The following MORC2 variants were observed in gnomAD, a reference collection of about 807,000 sequenced individuals.
The protein encoded by MORC2 is MORC family CW-type zinc finger 2, also known as ATPase MORC2.
In MORC2, 30 loss-of-function variants were observed where a neutral mutation model predicts 136.0. The observed-to-expected ratio is 0.22, with a 90% CI of 0.17 to 0.30. The LOEUF is 0.30. Ranked by LOEUF, MORC2 falls within the 10% of genes least tolerant of loss-of-function variation. The probability of loss-of-function intolerance (pLI) is 1.00; values close to 1 mark genes in which losing one functional copy is unlikely to be tolerated. For synonymous variants in MORC2, 439 were observed against 487.0 expected, an observed-to-expected ratio of 0.90 and a Z score of 1.30; for missense variants, 922 against 1,333.1, an observed-to-expected ratio of 0.69 and a Z score of 4.80.
chr22:30,932,404 C>G lies in MORC2; in HGVS notation c.2796G>C (p.Lys932Asn). The change falls in exon 24 of 26, where the codon AAG becomes AAC. Residue 932 changes from lysine to asparagine, a missense_variant. Lys to Asn is a moderately conservative substitution (Grantham distance 94). This residue lies in a region of MORC2 where 263 missense variants were observed against 388.3 expected (regional missense o/e 0.68). Transcript: ENST00000397641. This position sits in a 1 kb window ranked among gnomAD's most constrained non-coding sequence, Gnocchi z 4.4. ...CATCTGAATTCATAGCACTCAGCTGCTTCTTGGAGATGGGGAAACTTGGAG... is the reference window on the plus strand; with the variant it reads ...CATCTGAATTCATAGCACTCAGCTGGTTCTTGGAGATGGGGAAACTTGGAG... ...FLPPSFPISK[K>N]QLSAMNSDEL... 6.2e-7 allele frequency: 1 copy of G among 1,614,156 alleles called. No individual in the cohort carries two copies. The highest frequency in any genetic ancestry group is 8.5e-7 in the Non-Finnish European group (1 of 1,180,000).
At chr22:30,961,160 A>G (rs995217296) in intron 1 of MORC2, among the ~76,000 whole-genome samples, 7 of 152,208 alleles carry the variant, frequency 4.6e-5, no homozygotes, top group African/African-American at 1.7e-4. Context: ...GTGAGCCACC[A>G]TGCCCGGCCC....
chr22:30,937,634 G>A lies in MORC2; in HGVS notation c.1447C>T (p.Leu483=). The A allele has an allele frequency of 6.2e-7, 1 of 1,613,866 alleles. No homozygotes were observed. Among genetic ancestry groups the A allele is most frequent in the Non-Finnish European group, 8.5e-7 (1 of 1,180,020 alleles). Residue 483 remains leucine (L), a synonymous_variant, in exon 15 of 26, where the codon CTG becomes TTG. Transcript: ENST00000397641. The surrounding 1 kb of genome is among the most constrained non-coding windows in gnomAD (Gnocchi z 4.7). ...ATAGCTCTCCGGCGTTTGTAACGCA[G>A]CTCACTGGATGGGGGCTGGTTCCAG... ...ANWNQPPSSE[L]RYKRRRAMEI... is the part of the protein sequence containing the mutation.
intron 24 of MORC2, among the ~76,000 whole-genome samples, chr22:30,928,664 A>C (rs1411869003): frequency 1.3e-5 from 2 of 152,128 alleles, no homozygotes; most frequent in Non-Finnish European, 2.9e-5. Context: ...ATATCTCCAG[A>C]TCTGTGGAGT....
At chr22:30,928,301 C>A in intron 24 of MORC2, 94 bp from the exon 25 acceptor site, 1 of 1,227,008 alleles carries the variant, frequency 8.1e-7, no homozygotes, top group Non-Finnish European at 1.2e-6. Flanking sequence ...CCCGCTTTAC[C>A]CAAGGATGCC....
intron 3 of MORC2, among the ~76,000 whole-genome samples, chr22:30,951,904 C>G (rs2040893358): frequency 6.6e-6 from 1 of 151,754 alleles, no homozygotes; most frequent in Admixed American, 6.6e-5. Context: ...CTCCCAGGTT[C>G]AAGCGATTCT....
intron 1 of MORC2, chr22:30,958,975 A>T: frequency 3.5e-6 from 1 of 286,724 alleles, no homozygotes; most frequent in Non-Finnish European, 6.6e-6. Context: ...GTAACTGCTA[A>T]AAGTGTTTTT....
At chr22:30,950,353 C>CCCAAAAAAAAAA in intron 4 of MORC2, 24 bp downstream of exon 4, 11 of 1,481,924 alleles carry the variant, frequency 7.4e-6, no homozygotes, top group Non-Finnish European at 9.4e-6. Context: ...CCCCACCCCC[C>CCCAAAAAAAAAA]AAAACAATAA....
In MORC2 at chr22:30,941,519, C is replaced by T; in HGVS notation, c.738G>A (p.Val246=). The change falls in exon 9 of 26, where the codon GTG becomes GTA. Residue 246 remains valine (V), a synonymous_variant. Transcript: ENST00000397641. This position sits in a 1 kb window ranked among gnomAD's most constrained non-coding sequence, Gnocchi z 4.6. ...TCCTCATCCGGGGATCAATATAGAG[C>T]ACAGCGGCATAGGCACGGAACGAGC... ...ERRSFRAYAA[V]LYIDPRMRIF... 1 of 1,614,060 alleles carries T rather than the reference C, an allele frequency of 6.2e-7. No homozygotes were observed. Among genetic ancestry groups the T allele is most frequent in the Non-Finnish European group, 8.5e-7 (1 of 1,179,982 alleles).
chr22:30,936,490 C>A, intron 17 of MORC2, 21 bp downstream of exon 17: 1 of 1,613,388 alleles, frequency 6.2e-7, no homozygotes, highest in Non-Finnish European at 8.5e-7. Context: ...TGGCTTTGCC[C>A]ACTGACCATG....
chr22:30,937,082 C>G lies in MORC2; in HGVS notation c.1499-45G>C. 1 of 1,412,078 alleles carries G rather than the reference C, an allele frequency of 7.1e-7. No individual in the cohort carries two copies. Among genetic ancestry groups the G allele is most frequent in the Non-Finnish European group, 1.0e-6 (1 of 999,426 alleles). The allele number at this position is 1,412,078 out of a possible 1,614,324, so 87.5% of individuals were successfully genotyped here. On this transcript the variant is annotated intron_variant, in intron 15 of 25. Transcript: ENST00000397641. The surrounding 1 kb of genome is among the most constrained non-coding windows in gnomAD (Gnocchi z 4.7). ...CCCACATATCAGCCACGCCCACCAACTCTATCTGTAATCCGGGTTCCTCAC... is the reference window on the plus strand; with the variant it reads ...CCCACATATCAGCCACGCCCACCAAGTCTATCTGTAATCCGGGTTCCTCAC...
intron 17 of MORC2, 136 bp downstream of exon 17, chr22:30,936,375 G>T (rs2040652564): frequency 1.7e-6 from 2 of 1,200,612 alleles, no homozygotes; most frequent in Non-Finnish European, 2.3e-6. Context: ...GGTTGGGGTT[G>T]GAAAGCTTTG....
At position 30,932,129 on chromosome 22, in the gene MORC2, A is replaced by C. The variant is rs2040583983; in HGVS notation, c.2841+230T>G. 6.4e-6 allele frequency: 3 copies of C among 471,130 alleles called. No homozygotes were observed. Among genetic ancestry groups the C allele is most frequent in the Non-Finnish European group, 1.1e-5 (3 of 261,922 alleles). 29.2% of individuals were successfully genotyped at this position (471,130 alleles called of 1,614,324 possible). A position where few individuals can be genotyped will look rare whatever the true frequency, so the allele number is the denominator to read the frequency against. ...TCAACTCCTAGCACCTGTGGTGGGA[A>C]GGGGTTGGCTTTCTGCACACCAGAG... On this transcript the variant is annotated intron_variant, in intron 24 of 25. Coordinates refer to ENST00000397641, the MANE Select transcript of MORC2 (RefSeq NM_001303256.3). This position sits in a 1 kb window ranked among gnomAD's most constrained non-coding sequence, Gnocchi z 4.4.
intron 12 of MORC2, among the ~76,000 whole-genome samples, 173 bp downstream of exon 12, chr22:30,939,448 T>C (rs1476636036): frequency 6.6e-6 from 1 of 152,108 alleles, no homozygotes; most frequent in Non-Finnish European, 1.5e-5. Context: ...GCCCTGTCTT[T>C]ATGACTCAAA....
In MORC2 at chr22:30,937,578, C is replaced by G. The variant is rs537016984; in HGVS notation, c.1498+5G>C. ...GAGTCGGGGGGGTCCAACCACCCAA[C>G]TCACCGCACTGGATGGTGGTGGGGA... is the stretch of plus-strand genomic sequence containing the variant. On this transcript the variant is annotated splice_donor_5th_base_variant and intron_variant, in intron 15 of 25. Coordinates refer to ENST00000397641, the MANE Select transcript of MORC2 (RefSeq NM_001303256.3). This position sits in a 1 kb window ranked among gnomAD's most constrained non-coding sequence, Gnocchi z 4.7. 6.2e-7 allele frequency: 1 copy of G among 1,612,138 alleles called. No individual in the cohort carries two copies. The highest frequency in any genetic ancestry group is 1.7e-5 in the Admixed American group (1 of 59,976).
At position 30,934,354 on chromosome 22, in the gene MORC2, G is replaced by A. The variant is rs527340474; in HGVS notation, c.2194-163C>T. Among the ~76,000 whole-genome samples the A allele has an allele frequency of 1.3e-5, 2 of 152,208 alleles. No homozygotes were observed. The highest frequency in any genetic ancestry group is 6.5e-5 in the Admixed American group (1 of 15,292). Reference sequence around the variant, plus strand: ...ACACAGGCAACCCACTGGCCCCTGCGCCATAAGGATTTTTGCTCAAAGCTA... The same window carrying A: ...ACACAGGCAACCCACTGGCCCCTGCACCATAAGGATTTTTGCTCAAAGCTA... On this transcript the variant is annotated intron_variant, in intron 19 of 25. Coordinates refer to ENST00000397641, the MANE Select transcript of MORC2 (RefSeq NM_001303256.3). The surrounding 1 kb of genome is among the most constrained non-coding windows in gnomAD (Gnocchi z 4.4).
chr22:30,934,721 C>T lies in MORC2; in HGVS notation c.2193+60G>A, dbSNP rs1366570645. ...CCCCCAGTACAGCTGTGACACTGCA[C>T]AATTCCATTCCTACACTACTGACAC... On this transcript the variant is annotated intron_variant, in intron 19 of 25. Coordinates refer to ENST00000397641, the MANE Select transcript of MORC2 (RefSeq NM_001303256.3). The surrounding 1 kb of genome is among the most constrained non-coding windows in gnomAD (Gnocchi z 4.4). The T allele has an allele frequency of 5.7e-6, 9 of 1,581,494 alleles. No homozygotes were observed.
intron 6 of MORC2, among the ~76,000 whole-genome samples, chr22:30,946,109 G>A (rs992859012): frequency 2.6e-5 from 4 of 152,122 alleles, no homozygotes; most frequent in African/African-American, 7.2e-5. Context: ...TCTCATTCTC[G>A]GAAACAGTTG....
chr22:30,938,228 G>T, intron 12 of MORC2, 23 bp from the exon 13 acceptor site: 2 of 1,403,410 alleles, frequency 1.4e-6, no homozygotes, highest in Non-Finnish European at 1.9e-6. Flanking sequence ...AAAAACTCAA[G>T]CAGATCTACA....
chr22:30,941,722 CT>C lies in MORC2; in HGVS notation c.699-165del, dbSNP rs2040744761. On this transcript the variant is annotated intron_variant, in intron 8 of 25. Coordinates refer to ENST00000397641, the MANE Select transcript of MORC2 (RefSeq NM_001303256.3). The surrounding 1 kb of genome is among the most constrained non-coding windows in gnomAD (Gnocchi z 4.6). ...TTAGTGTGAGCACCACATCCCGCCC[CT>C]CTCACGTCCTCAGCACAGGCACCCC... Among the ~76,000 whole-genome samples the C allele has an allele frequency of 1.3e-5, 2 of 152,288 alleles. No individual in the cohort carries two copies. Among genetic ancestry groups the C allele is most frequent in the Admixed American group, 6.5e-5 (1 of 15,300 alleles).
Sources: gnomAD v4.1 joint callset for allele counts (sites outside exome capture counted in the v4.1 genomes callset) on GRCh38, gnomAD v4.1.1 for gene constraint, gnomAD v4.1.1 regional missense constraint, Gnocchi (gnomAD v3.1) non-coding constraint, MANE v1.5 for transcripts, NCBI Gene and HGNC (gene_info 2026-07-23, HGNC 2026-07-21) for gene names.